MYO18A: variants seen among roughly 807,000 people sequenced by gnomAD.
The protein encoded by MYO18A is myosin XVIIIA.
In MYO18A, 78 loss-of-function variants were observed where a neutral mutation model predicts 235.8. That is an observed-to-expected ratio of 0.33 (90% CI 0.28 to 0.40). The LOEUF is 0.40. Ranked by LOEUF, MYO18A falls within the 10% of genes least tolerant of loss-of-function variation. The probability of loss-of-function intolerance (pLI) is 1.00; values close to 1 mark genes in which losing one functional copy is unlikely to be tolerated. For missense variants in MYO18A, 2,215 were observed against 2,699.3 expected, an observed-to-expected ratio of 0.82 and a Z score of 3.98; for synonymous variants, 977 against 1,077.8, an observed-to-expected ratio of 0.91 and a Z score of 1.83.
chr17:29,130,474 C>CACACACACA (rs2067441221), intron 2 of MYO18A, among the ~76,000 whole-genome samples: 1 of 142,140 alleles, frequency 7.0e-6, no homozygotes, highest in Non-Finnish European at 1.5e-5. Flanking sequence ...GAGGCCTCTC[C>CACACACACA]CACACACACA....
At chr17:29,136,250 A>AAAAAAAAATAT (rs1483354837) in intron 2 of MYO18A, among the ~76,000 whole-genome samples, 4 of 82,472 alleles carry the variant, frequency 4.9e-5, no homozygotes, top group African/African-American at 9.2e-5. Flanking sequence ...AAAAAAAAAA[A>AAAAAAAAATAT]ATATATATAT....
rs2068614279 is a variant in MYO18A at position 29,180,054 on chromosome 17, C to A, written c.-82+259G>T. Among the ~76,000 whole-genome samples the A allele has an allele frequency of 6.6e-6, 1 of 151,880 alleles. No homozygotes were observed. The highest frequency in any genetic ancestry group is 1.5e-5 in the Non-Finnish European group (1 of 67,858). On this transcript the variant is annotated intron_variant, in intron 1 of 41. Transcript: ENST00000527372. The surrounding 1 kb of genome is among the most constrained non-coding windows in gnomAD (Gnocchi z 6.1). ...ACCCTGTCCTGCCTCCCTGCGCCCC[C>A]CAGGTTGGCTGGAAGGGCCGGTGGT... is the stretch of plus-strand genomic sequence containing the variant.
intron 2 of MYO18A, chr17:29,128,095 C>A (rs1598350030): frequency 9.6e-7 from 1 of 1,043,466 alleles, no homozygotes; most frequent in Non-Finnish European, 1.2e-6. Flanking sequence ...GGGCCTTGTG[C>A]TCCTTGCCCC....
chr17:29,081,402 C>T (rs1461354574), intron 41 of MYO18A, among the ~76,000 whole-genome samples: 1 of 152,088 alleles, frequency 6.6e-6, no homozygotes, highest in Non-Finnish European at 1.5e-5. Flanking sequence ...TGTTGTTTGG[C>T]CGAATAAATT....
In MYO18A at chr17:29,118,917, C is replaced by T. The variant is rs1257726920; in HGVS notation, c.1829+418G>A. Among the ~76,000 whole-genome samples the T allele has an allele frequency of 6.6e-6, 1 of 152,162 alleles. No individual in the cohort carries two copies. Among genetic ancestry groups the T allele is most frequent in the Non-Finnish European group, 1.5e-5 (1 of 68,020 alleles). On this transcript the variant is annotated intron_variant, in intron 8 of 41. Transcript: ENST00000527372. The surrounding 1 kb of genome is among the most constrained non-coding windows in gnomAD (Gnocchi z 4.2). ...CTAGTCTGGAGGGCACTGGAAGAGG[C>T]ATGGGCTTTTGGCCCCAGTGTGGAT...
In MYO18A at chr17:29,093,962, A is replaced by G; in HGVS notation, c.4821+18T>C. 6.4e-7 allele frequency: 1 copy of G among 1,571,426 alleles called. No individual in the cohort carries two copies. The highest frequency in any genetic ancestry group is 8.7e-7 in the Non-Finnish European group (1 of 1,151,334). On this transcript the variant is annotated intron_variant, in intron 31 of 41. Transcript: ENST00000527372. ...AACAGGTGTTTACGCTGGACAGGTA[A>G]GTACTCAGATACCTTACCTTCTTCT...
In MYO18A at chr17:29,180,212, CCCCGCCG is replaced by C. The variant is rs981745912; in HGVS notation, c.-82+94_-82+100del. ...GGGAGGAGGAGGAGGAGCCGGCGGGCCCCGCCGCCCGCCCGCCCTCCCTCCCGGCCGG... is the reference window on the plus strand; with the variant it reads ...GGGAGGAGGAGGAGGAGCCGGCGGGCCCCGCCCGCCCTCCCTCCCGGCCGG... On this transcript the variant is annotated intron_variant, in intron 1 of 41. Coordinates refer to ENST00000527372, the MANE Select transcript of MYO18A (RefSeq NM_078471.4). The surrounding 1 kb of genome is among the most constrained non-coding windows in gnomAD (Gnocchi z 6.1). 5 of 149,692 alleles carry C rather than the reference CCCCGCCG, an allele frequency of 3.3e-5. No individual in the cohort carries two copies. Among genetic ancestry groups the C allele is most frequent in the African/African-American group, 1.2e-4 (5 of 41,240 alleles). 9.3% of individuals were successfully genotyped at this position (149,692 alleles called of 1,614,324 possible).
At chr17:29,137,605 A>G (rs1225075332) in intron 2 of MYO18A, among the ~76,000 whole-genome samples, 1 of 152,254 alleles carries the variant, frequency 6.6e-6, no homozygotes, top group African/African-American at 2.4e-5. Context: ...AAGAAAAAAA[A>G]CGCAAAGATT....
intron 40 of MYO18A, among the ~76,000 whole-genome samples, chr17:29,083,545 C>CACACAT (rs2066175241): frequency 6.6e-6 from 1 of 151,696 alleles, no homozygotes. Context: ...CACACACACA[C>CACACAT]ACACACACAC....
chr17:29,114,642 G>T (rs2067012416), intron 14 of MYO18A, among the ~76,000 whole-genome samples: 1 of 152,224 alleles, frequency 6.6e-6, no homozygotes, highest in African/African-American at 2.4e-5. Flanking sequence ...CCAGGCCTGG[G>T]AGGTGCCTCA....
intron 2 of MYO18A, among the ~76,000 whole-genome samples, chr17:29,154,311 C>T (rs753968629): frequency 2.0e-5 from 3 of 152,088 alleles, no homozygotes; most frequent in Non-Finnish European, 4.4e-5. Flanking sequence ...TGGCTCACCT[C>T]CCTCGAGGGA....
Position 29,111,654 on chromosome 17 carries a change from G to A in MYO18A, c.2740+68C>T, listed in dbSNP as rs528348554. 9.9e-6 allele frequency: 16 copies of A among 1,611,566 alleles called. No homozygotes were observed. The highest frequency in any genetic ancestry group is 1.3e-5 in the African/African-American group (1 of 74,998). The stretch of plus-strand genomic sequence containing the variant: ...AAAGTGACCCCCGCCCCCTCCCAGG[G>A]AGTGCCACCTGGACCCACCTGTATG... On this transcript the variant is annotated intron_variant, in intron 16 of 41. Coordinates refer to ENST00000527372, the MANE Select transcript of MYO18A (RefSeq NM_078471.4). The surrounding 1 kb of genome is among the most constrained non-coding windows in gnomAD (Gnocchi z 5.1).
chr17:29,115,831 T>C lies in MYO18A; in HGVS notation c.2060A>G (p.Lys687Arg). 7 of 1,578,446 alleles carry C rather than the reference T, an allele frequency of 4.4e-6. No individual in the cohort carries two copies. Among genetic ancestry groups the C allele is most frequent in the Non-Finnish European group, 6.0e-6 (7 of 1,161,920 alleles). ...ATKEAAEAGR[K>R]QFARHEWAQK... The stretch of plus-strand genomic sequence containing the variant: ...GGCCCACTCATGGCGGGCAAACTGC[T>C]TGCGCCCAGCTGTGGAGTGGAAAAA... The change falls in exon 12 of 42, where the codon AAG becomes AGG. Residue 687 changes from lysine to arginine, a missense_variant. By Grantham distance (26) the Lys-to-Arg change is conservative. Coordinates refer to ENST00000527372, the MANE Select transcript of MYO18A (RefSeq NM_078471.4).
rs1350322518 is a variant in MYO18A at position 29,097,823 on chromosome 17, G to T, written c.4067C>A (p.Ala1356Glu). ...ATCATCCACTTCCCCGTTGATCTCC[G>T]CTGCCCGGATGAGACGGGCCTCCAT... ...EVMEARLIRA[A>E]EINGEVDDDD... The change falls in exon 26 of 42, where the codon GCG becomes GAG. Residue 1356 changes from alanine (A) to glutamate (E), a missense_variant. Transcript: ENST00000527372. 3 of 1,613,652 alleles carry T rather than the reference G, an allele frequency of 1.9e-6. No individual in the cohort carries two copies. The highest frequency in any genetic ancestry group is 2.5e-6 in the Non-Finnish European group (3 of 1,179,730).
intron 1 of MYO18A, among the ~76,000 whole-genome samples, chr17:29,173,303 G>C (rs991828811): frequency 1.2e-4 from 18 of 151,972 alleles, no homozygotes; most frequent in South Asian, 6.2e-4. Context: ...TGTTGGTCAG[G>C]CTGGTCTTGA....
rs940221547 is a variant in MYO18A, at chr17:29,180,018, C to T, written c.-82+295G>A. ...CGCCTCCAAGCCCCAAATCCCCCCA[C>T]ACTGAAGGCCACCCTGTCCTGCCTC... On this transcript the variant is annotated intron_variant, in intron 1 of 41. Coordinates refer to ENST00000527372, the MANE Select transcript of MYO18A (RefSeq NM_078471.4). The surrounding 1 kb of genome is among the most constrained non-coding windows in gnomAD (Gnocchi z 6.1). Among the ~76,000 whole-genome samples, 3 of 152,008 alleles carry T rather than the reference C, an allele frequency of 2.0e-5. No homozygotes were observed. The highest frequency in any genetic ancestry group is 7.2e-5 in the African/African-American group (3 of 41,408).
rs769730329 is a variant in MYO18A at position 29,110,578 on chromosome 17, G to A, written c.2945C>T (p.Thr982Met). 53 of 1,612,088 alleles carry A rather than the reference G, an allele frequency of 3.3e-5. No homozygotes were observed. In the East Asian group the frequency reaches 3.8e-4, roughly 12 times the overall value. ...GCCCGCGATGGAGCCAGAGAGCACC[G>A]TGGCACTGCCTGCGCGGCCCAGAAA... ...NLFLGRAGSA[T>M]VLSGSIAGLE... The change falls in exon 18 of 42, where the codon ACG becomes ATG. Residue 982 changes from threonine to methionine, a missense_variant. Coordinates refer to ENST00000527372, the MANE Select transcript of MYO18A (RefSeq NM_078471.4).
rs2067717355 is a variant in MYO18A, at chr17:29,140,651, G to A, written c.1000-18398C>T. The A allele has an allele frequency of 5.4e-6, 1 of 186,484 alleles. No individual in the cohort carries two copies. Among genetic ancestry groups the A allele is most frequent in the African/African-American group, 2.4e-5 (1 of 41,812 alleles). The allele number at this position is 186,484 out of a possible 1,614,324, so 11.6% of individuals were successfully genotyped here. The stretch of plus-strand genomic sequence containing the variant: ...GGGTTAGGGCAAGGACAGGGAGGGT[G>A]AGACTTGCCTATGGACACACACCCC... On this transcript the variant is annotated intron_variant, in intron 2 of 41. Coordinates refer to ENST00000527372, the MANE Select transcript of MYO18A (RefSeq NM_078471.4). The surrounding 1 kb of genome is among the most constrained non-coding windows in gnomAD (Gnocchi z 4.2).
intron 1 of MYO18A, among the ~76,000 whole-genome samples, chr17:29,173,589 A>C (rs1013299861): frequency 3.4e-5 from 5 of 148,852 alleles, no homozygotes; most frequent in African/African-American, 1.3e-4. Context: ...GGGTTTCACC[A>C]TGTTACCCAG....
Sources: allele counts gnomAD v4.1 joint callset (sites outside exome capture counted in the v4.1 genomes callset), GRCh38; gene constraint gnomAD v4.1.1; non-coding constraint Gnocchi (gnomAD v3.1); transcripts MANE v1.5; gene names NCBI Gene and HGNC (gene_info 2026-07-23, HGNC 2026-07-21).